OCM: variants seen among roughly 807,000 people sequenced by gnomAD.
OCM encodes the protein oncomodulin, also known as oncomodulin-1.
A neutral mutation model predicts 14.1 loss-of-function variants in OCM; 18 were observed. That is an observed-to-expected ratio of 1.28 (90% CI 0.88 to 1.89). The LOEUF (loss-of-function observed/expected upper bound fraction) is 1.89. Among genes scored for constraint, OCM ranks in the 40% most tolerant of loss-of-function variants. The pLI, the probability that OCM is intolerant of heterozygous loss-of-function variation, is 0.00. For missense variants in OCM, 140 were observed against 137.6 expected (o/e 1.02, Z -0.09); for synonymous variants, 48 against 51.0 (o/e 0.94, Z 0.25).
chr7:5,867,092 A>G, the OCM span, among the ~76,000 whole-genome samples: 1 of 152,238 alleles, frequency 6.6e-6, no homozygotes, highest in African/African-American at 2.4e-5. Context: ...TTGCTAAGAG[A>G]AGCAAAATCT....
At chr7:5,874,302 A>G in the OCM span, among the ~76,000 whole-genome samples, 15 of 149,646 alleles carry the variant, frequency 1.0e-4, no homozygotes, top group South Asian at 2.1e-3. Context: ...GCAATTAGGA[A>G]TTGGTGGCCA....
chr7:5,873,604 C>G, the OCM span, among the ~76,000 whole-genome samples: 1 of 152,026 alleles, frequency 6.6e-6, no homozygotes, highest in Non-Finnish European at 1.5e-5. Flanking sequence ...CTCAGCCTCC[C>G]AGAATGTTGG....
chr7:5,874,687 G>A, the OCM span, among the ~76,000 whole-genome samples: 1 of 151,694 alleles, frequency 6.6e-6, no homozygotes, highest in East Asian at 1.9e-4. Context: ...TTTATTTTTT[G>A]TAGAGACGGG....
the OCM span, among the ~76,000 whole-genome samples, chr7:5,861,808 G>A: frequency 6.6e-6 from 1 of 151,818 alleles, no homozygotes; most frequent in Non-Finnish European, 1.5e-5. Context: ...CAAACCCCTG[G>A]GCTCAAGTGA....
the OCM span, among the ~76,000 whole-genome samples, chr7:5,869,904 G>A: frequency 6.6e-6 from 1 of 152,142 alleles, no homozygotes; most frequent in African/African-American, 2.4e-5. Context: ...AGAGCACAGA[G>A]GCCCACGCGC....
At chr7:5,872,279 A>T in the OCM span, among the ~76,000 whole-genome samples, 1 of 152,166 alleles carries the variant, frequency 6.6e-6, no homozygotes, top group Non-Finnish European at 1.5e-5. Flanking sequence ...CGGGAAACAC[A>T]CAAGCTGTCC....
the OCM span, among the ~76,000 whole-genome samples, chr7:5,865,120 T>C: frequency 6.6e-6 from 1 of 152,126 alleles, no homozygotes; most frequent in African/African-American, 2.4e-5. Flanking sequence ...AGTCACCCGA[T>C]CCAGTCACCC....
chr7:5,875,836 C>CT (rs879801386), upstream of OCM, among the ~76,000 whole-genome samples: 572 of 145,790 alleles, frequency 3.9e-3, 2 homozygotes, highest in East Asian at 0.011. Context: ...TTTCAGAAAC[C>CT]TTTTTTTTTT....
the OCM span, among the ~76,000 whole-genome samples, chr7:5,861,136 G>A: frequency 6.6e-6 from 1 of 152,014 alleles, no homozygotes; most frequent in Non-Finnish European, 1.5e-5. Context: ...CCCAGTTCTG[G>A]CCGAGTGCAG....
the OCM span, among the ~76,000 whole-genome samples, chr7:5,864,512 G>A: frequency 1.3e-5 from 2 of 152,036 alleles, no homozygotes; most frequent in Admixed American, 1.3e-4. Context: ...CATTTGGGGA[G>A]CAATTATGAA....
At chr7:5,878,614 G>A (rs1226707772), upstream of OCM, among the ~76,000 whole-genome samples, 2 of 151,414 alleles carry the variant, frequency 1.3e-5, no homozygotes, top group African/African-American at 2.4e-5. Flanking sequence ...GGGTGTTGTG[G>A]CGGGCGCCTG....
In OCM at chr7:5,884,787, C is replaced by T. The variant is rs184022428; in HGVS notation, c.304+788C>T. Among the ~76,000 whole-genome samples the T allele has an allele frequency of 4.2e-4, 64 of 151,496 alleles. 1 individual carries two copies. In the East Asian group the frequency reaches 7.5e-3, roughly 18 times the overall value. Reference sequence around the variant, plus strand: ...TGGGAGTTAATGCAGATAGATAGCTCATAAAAACAGATTAGGTAAGGGGGG... The same window carrying T: ...TGGGAGTTAATGCAGATAGATAGCTTATAAAAACAGATTAGGTAAGGGGGG... On this transcript the variant is annotated intron_variant, in intron 3 of 3. Transcript: ENST00000242104.
upstream of OCM, among the ~76,000 whole-genome samples, chr7:5,876,882 C>A (rs1204005374): frequency 1.3e-5 from 2 of 151,766 alleles, no homozygotes; most frequent in South Asian, 4.1e-4. Context: ...CTCGGCTCAC[C>A]GCAACCTCCA....
chr7:5,877,842 AAAG>A (rs1403945643), upstream of OCM, among the ~76,000 whole-genome samples: 6 of 147,782 alleles, frequency 4.1e-5, 1 homozygote, highest in Non-Finnish European at 7.5e-5. Flanking sequence ...AAAAAAAAAA[AAAG>A]GAGATCCTGA....
At chr7:5,877,833 AAAAAAAAAAAAG>A (rs1353807197), upstream of OCM, among the ~76,000 whole-genome samples, 12 of 149,422 alleles carry the variant, frequency 8.0e-5, no homozygotes, top group Non-Finnish European at 1.6e-4. Flanking sequence ...AAAAAAAAAA[AAAAAAAAAAAAG>A]GAGATCCTGA....
At chr7:5,881,005 G>A (rs1306435367) in intron 1 of OCM, 55 bp downstream of exon 1, 9 of 1,563,178 alleles carry the variant, frequency 5.8e-6, no homozygotes, top group African/African-American at 4.1e-5. Context: ...CACCTCCAGC[G>A]AGTCAACACA....
chr7:5,867,694 C>G, the OCM span, among the ~76,000 whole-genome samples: 2 of 151,624 alleles, frequency 1.3e-5, no homozygotes, highest in African/African-American at 4.9e-5. Context: ...AATTGTTTCT[C>G]TCTGTGTTTC....
chr7:5,880,057 C>T (rs1053343861), upstream of OCM: 1 of 152,210 alleles, frequency 6.6e-6, no homozygotes, highest in African/African-American at 2.4e-5. Context: ...TCCGGTGGCT[C>T]TGACACCTGG....
the OCM span, among the ~76,000 whole-genome samples, chr7:5,870,308 C>G: frequency 6.6e-6 from 1 of 152,008 alleles, no homozygotes; most frequent in Non-Finnish European, 1.5e-5. Flanking sequence ...GATAGAGTCC[C>G]ACTATGTTGC....
Sources: gnomAD v4.1 joint callset for allele counts (sites outside exome capture counted in the v4.1 genomes callset) on GRCh38, gnomAD v4.1.1 for gene constraint, MANE v1.5 for transcripts, NCBI Gene and HGNC (gene_info 2026-07-23, HGNC 2026-07-21) for gene names.